The following SPSB1 variants were observed in gnomAD, a reference collection of about 807,000 sequenced individuals.
SPSB1 encodes SPRY domain-containing SOCS box protein 1.
In SPSB1, 8 loss-of-function variants were observed where a neutral mutation model predicts 21.2. The observed-to-expected ratio is 0.38, with a 90% CI of 0.22 to 0.68. The LOEUF (loss-of-function observed/expected upper bound fraction) is 0.68. Ranked by LOEUF, SPSB1 falls within the 30% of genes least tolerant of loss-of-function variation. SPSB1 has a pLI of 0.53. For synonymous variants in SPSB1, 169 were observed against 161.7 expected, an observed-to-expected ratio of 1.05 and a Z score of -0.34; for missense variants, 242 against 377.8, an observed-to-expected ratio of 0.64 and a Z score of 2.98.
chr1:9,331,479 C>T (rs954774667), intron 1 of SPSB1, among the ~76,000 whole-genome samples: 5 of 151,788 alleles, frequency 3.3e-5, no homozygotes, highest in Non-Finnish European at 5.9e-5. Context: ...TACAGGCATG[C>T]GCCACCATGC....
intron 1 of SPSB1, among the ~76,000 whole-genome samples, chr1:9,347,827 C>T (rs544089494): frequency 1.3e-5 from 2 of 152,252 alleles, no homozygotes; most frequent in African/African-American, 2.4e-5. Flanking sequence ...CAGGGACTGC[C>T]TCGTTGTACC....
At position 9,345,046 on chromosome 1, in the gene SPSB1, G is replaced by T. The variant is rs1466088977; in HGVS notation, c.-149-10697G>T. On this transcript the variant is annotated intron_variant, in intron 1 of 2. Transcript: ENST00000328089. The surrounding 1 kb of genome is among the most constrained non-coding windows in gnomAD (Gnocchi z 4.8). ...TTGTTGGGGGAAAGTGGCAGACTTT[G>T]GATGCACTCCAGCCTCTTCCTCTCA... Among the ~76,000 whole-genome samples, 5 of 152,168 alleles carry T rather than the reference G, an allele frequency of 3.3e-5. No homozygotes were observed. The highest frequency in any genetic ancestry group is 7.4e-5 in the Non-Finnish European group (5 of 68,020).
rs78908140 is a variant in SPSB1, at chr1:9,348,347, C to A, written c.-149-7396C>A. ...TGTGCCTTGCATAATGAAAGCAAAC[C>A]GTGGCTGTATCCAGAAGGCGCTCTC... On this transcript the variant is annotated intron_variant, in intron 1 of 2. Transcript: ENST00000328089. The surrounding 1 kb of genome is among the most constrained non-coding windows in gnomAD (Gnocchi z 4.8). Among the ~76,000 whole-genome samples the A allele has an allele frequency of 6.6e-6, 1 of 152,044 alleles. No homozygotes were observed. The highest frequency in any genetic ancestry group is 2.4e-5 in the African/African-American group (1 of 41,498).
At chr1:9,315,768 T>G (rs746830582) in intron 1 of SPSB1, among the ~76,000 whole-genome samples, 1 of 152,252 alleles carries the variant, frequency 6.6e-6, no homozygotes, top group Non-Finnish European at 1.5e-5. Flanking sequence ...GGGACCGCAC[T>G]GCTCACAAGG....
intron 1 of SPSB1, among the ~76,000 whole-genome samples, chr1:9,312,695 T>C (rs547404769): frequency 6.6e-6 from 1 of 152,308 alleles, no homozygotes; most frequent in South Asian, 2.1e-4. Flanking sequence ...TGATTGTGCA[T>C]GGACTCATCT....
rs767476979 is a variant in SPSB1, at chr1:9,367,485, G to A, written c.732G>A (p.Ser244=). 3.7e-6 allele frequency: 6 copies of A among 1,613,564 alleles called. No homozygotes were observed. In the South Asian group the frequency reaches 4.4e-5, roughly 12 times the overall value. ...PLPLMDLCRR[S]VRLALGRERL... Reference sequence around the variant, plus strand: ...CGCTCATGGATTTGTGCCGTCGCTCGGTGCGCCTGGCCCTGGGGAGGGAGC... The same window carrying A: ...CGCTCATGGATTTGTGCCGTCGCTCAGTGCGCCTGGCCCTGGGGAGGGAGC... Residue 244 remains serine (S), a synonymous_variant, in exon 3 of 3, where the codon TCG becomes TCA. Transcript: ENST00000328089. This position sits in a 1 kb window ranked among gnomAD's most constrained non-coding sequence, Gnocchi z 5.9.
chr1:9,306,996 C>T (rs1457786201), intron 1 of SPSB1, among the ~76,000 whole-genome samples: 1 of 150,650 alleles, frequency 6.6e-6, no homozygotes, highest in Non-Finnish European at 1.5e-5. Flanking sequence ...GGCACAGTCT[C>T]AGCTCACTGC....
rs908306146 is a variant in SPSB1 at position 9,348,208 on chromosome 1, G to A, written c.-149-7535G>A. On this transcript the variant is annotated intron_variant, in intron 1 of 2. Transcript: ENST00000328089. The surrounding 1 kb of genome is among the most constrained non-coding windows in gnomAD (Gnocchi z 4.8). ...GATCTGCCCACCTCGGCCTCTCAAAGTGCTGGGATTACAGGCGTGAGCCAC... is the reference window on the plus strand; with the variant it reads ...GATCTGCCCACCTCGGCCTCTCAAAATGCTGGGATTACAGGCGTGAGCCAC... Among the ~76,000 whole-genome samples, 1 of 151,928 alleles carries A rather than the reference G, an allele frequency of 6.6e-6. No individual in the cohort carries two copies. The highest frequency in any genetic ancestry group is 1.5e-5 in the Non-Finnish European group (1 of 67,984).
chr1:9,352,009 C>T (rs1640267043), intron 1 of SPSB1, among the ~76,000 whole-genome samples: 1 of 152,216 alleles, frequency 6.6e-6, no homozygotes. Context: ...CAGCCTCCCT[C>T]CTCCCAGGCC....
At chr1:9,299,012 G>T (rs1301232549) in intron 1 of SPSB1, among the ~76,000 whole-genome samples, 3 of 152,198 alleles carry the variant, frequency 2.0e-5, no homozygotes, top group African/African-American at 4.8e-5. Context: ...GGAGGCGGGG[G>T]TGGTGACCCC....
intron 1 of SPSB1, among the ~76,000 whole-genome samples, chr1:9,341,764 G>A (rs766210948): frequency 1.3e-5 from 2 of 152,040 alleles, no homozygotes; most frequent in Admixed American, 6.5e-5. Context: ...GTACAATAGC[G>A]CGATCTCGTC....
Position 9,321,952 on chromosome 1 carries a change from C to T in SPSB1, c.-150+28881C>T, listed in dbSNP as rs1344759636. Among the ~76,000 whole-genome samples the T allele has an allele frequency of 1.3e-5, 2 of 152,162 alleles. No homozygotes were observed. The highest frequency in any genetic ancestry group is 2.4e-5 in the African/African-American group (1 of 41,432). Reference sequence around the variant, plus strand: ...GATCCTGCTCTGGGCTCTCCAGTCACCTCTAACCCTGTGGGGGACAACCAC... The same window carrying T: ...GATCCTGCTCTGGGCTCTCCAGTCATCTCTAACCCTGTGGGGGACAACCAC... On this transcript the variant is annotated intron_variant, in intron 1 of 2. Coordinates refer to ENST00000328089, the MANE Select transcript of SPSB1 (RefSeq NM_025106.4). This position sits in a 1 kb window ranked among gnomAD's most constrained non-coding sequence, Gnocchi z 4.8.
rs1553128958 is a variant in SPSB1, at chr1:9,361,156, C to CCTTTTTTTTT, written c.694+4571_694+4572insCTTTTTTTTT. Among the ~76,000 whole-genome samples, 23 of 102,576 alleles carry CCTTTTTTTTT rather than the reference C, an allele frequency of 2.2e-4. 6 individuals carry two copies. The highest frequency in any genetic ancestry group is 1.2e-3 in the East Asian group (4 of 3,420). 67.3% of individuals were successfully genotyped at this position (102,576 alleles called of 152,430 possible). On this transcript the variant is annotated intron_variant, in intron 2 of 2. Transcript: ENST00000328089. ...CAGGCATGGCTGGATCTGTCATTTT[C>CCTTTTTTTTT]TTTTTTTTTTTTTTTTTTTTTTTTT...
intron 1 of SPSB1, among the ~76,000 whole-genome samples, chr1:9,340,210 G>T (rs918450252): frequency 6.6e-6 from 1 of 152,200 alleles, no homozygotes; most frequent in Admixed American, 6.5e-5. Flanking sequence ...CCTTGGGCAG[G>T]CTTTCTCTCC....
chr1:9,297,612 A>G (rs1570165762), intron 1 of SPSB1, among the ~76,000 whole-genome samples: 1 of 152,112 alleles, frequency 6.6e-6, no homozygotes, highest in Non-Finnish European at 1.5e-5. Context: ...ATATGGGCCC[A>G]CTAAGCGGAG....
intron 1 of SPSB1, among the ~76,000 whole-genome samples, chr1:9,334,100 CT>C (rs1639966872): frequency 6.6e-6 from 1 of 152,054 alleles, no homozygotes; most frequent in Middle Eastern, 3.4e-3. Flanking sequence ...TTTATTTATT[CT>C]TTGAGGCAGA....
At position 9,328,943 on chromosome 1, in the gene SPSB1, G is replaced by T. The variant is rs574582136; in HGVS notation, c.-149-26800G>T. On this transcript the variant is annotated intron_variant, in intron 1 of 2. Coordinates refer to ENST00000328089, the MANE Select transcript of SPSB1 (RefSeq NM_025106.4). ...TCTCCAGACATTGCCAAATCTCCCA[G>T]GGTACGCTGGGGTGAAGGAGGGAGG... 2.0e-5 allele frequency among the ~76,000 whole-genome samples: 3 copies of T among 152,302 alleles called. No individual in the cohort carries two copies. The South Asian group carries it at 6.2e-4, about 32-fold the overall frequency.
chr1:9,333,158 G>A (rs1268092232), intron 1 of SPSB1, among the ~76,000 whole-genome samples: 2 of 152,156 alleles, frequency 1.3e-5, no homozygotes, highest in African/African-American at 4.8e-5. Context: ...GAGAACCTTG[G>A]TCTGCCCTGT....
chr1:9,297,116 G>C (rs1639237503), intron 1 of SPSB1, among the ~76,000 whole-genome samples: 1 of 152,130 alleles, frequency 6.6e-6, no homozygotes, highest in Non-Finnish European at 1.5e-5. Flanking sequence ...TGGGTGTCAG[G>C]AGATGTGACT....
Sources: allele counts gnomAD v4.1 joint callset (sites outside exome capture counted in the v4.1 genomes callset), GRCh38; gene constraint gnomAD v4.1.1; non-coding constraint Gnocchi (gnomAD v3.1); transcripts MANE v1.5; gene names NCBI Gene and HGNC (gene_info 2026-07-23, HGNC 2026-07-21).